The following NDRG4 variants were observed in gnomAD, a reference collection of about 807,000 sequenced individuals.
NDRG4 encodes NDRG family member 4.
NDRG4 carries 38 observed loss-of-function variants against 55.8 expected under a neutral mutation model. The observed-to-expected ratio is 0.68, with a 90% CI of 0.53 to 0.89. NDRG4 has a LOEUF of 0.89. NDRG4 is among the 40% of genes least tolerant of loss of function. NDRG4 has a pLI of 0.00. For synonymous variants in NDRG4, 190 were observed against 182.7 expected (o/e 1.04, Z -0.32); for missense variants, 455 against 468.6 (o/e 0.97, Z 0.27).
intron 1 of NDRG4, chr16:58,501,056 C>T (rs1597270629): frequency 2.4e-6 from 3 of 1,237,122 alleles, no homozygotes; most frequent in Non-Finnish European, 3.0e-6. Context: ...GCCCAGGGCA[C>T]CTCCTCTCGC....
Position 58,464,601 on chromosome 16 carries a change from G to A in NDRG4, c.-24+804G>A. ...GACCCCAACTAAGTCCTAGTTTTGT[G>A]CTACCTGTTTGTGTGCGGAGCCCAG... On this transcript the variant is annotated intron_variant, in intron 1 of 15. Transcript: ENST00000258187. This position sits in a 1 kb window ranked among gnomAD's most constrained non-coding sequence, Gnocchi z 4.8. 1.0e-6 allele frequency: 1 copy of A among 989,554 alleles called. No homozygotes were observed. The highest frequency in any genetic ancestry group is 3.4e-5 in the South Asian group (1 of 29,694). The allele number at this position is 989,554 out of a possible 1,614,324, so 61.3% of individuals were successfully genotyped here.
chr16:58,480,632 G>A (rs2034279170), intron 1 of NDRG4, among the ~76,000 whole-genome samples: 1 of 152,204 alleles, frequency 6.6e-6, no homozygotes, highest in Non-Finnish European at 1.5e-5. Flanking sequence ...GGACAGGTCA[G>A]CCGTGGAGAT....
Position 58,512,458 on chromosome 16 carries a change from C to G in NDRG4, c.*882C>G, listed in dbSNP as rs1034280564. 7 of 243,916 alleles carry G rather than the reference C, an allele frequency of 2.9e-5. No homozygotes were observed. Among genetic ancestry groups the G allele is most frequent in the East Asian group, 1.5e-4 (1 of 6,574 alleles). 15.1% of individuals were successfully genotyped at this position (243,916 alleles called of 1,614,324 possible). The stretch of plus-strand genomic sequence containing the variant: ...AGGGGTAGCTGAGTTCCTGGAGACC[C>G]CTTTTTTGCCCCCAGGTTCCCCAGA... On this transcript the variant is annotated 3_prime_UTR_variant, in exon 15 of 15. Coordinates refer to ENST00000570248, the MANE Select transcript of NDRG4 (RefSeq NM_001242835.2).
intron 2 of NDRG4, among the ~76,000 whole-genome samples, chr16:58,492,572 C>T (rs531340843): frequency 1.3e-5 from 2 of 150,468 alleles, no homozygotes; most frequent in African/African-American, 2.5e-5. Flanking sequence ...CAGACAGTCT[C>T]GCCCTGTCAC....
Position 58,506,154 on chromosome 16 carries a change from GTGTC to G in NDRG4, c.373-229_373-226del, listed in dbSNP as rs200871998. The G allele has an allele frequency of 0.17, 100,335 of 580,930 alleles. 6,237 individuals carry two copies. The highest frequency in any genetic ancestry group is 0.47 in the East Asian group (13,640 of 28,828). 36.0% of individuals were successfully genotyped at this position (580,930 alleles called of 1,614,324 possible). On this transcript the variant is annotated intron_variant, in intron 5 of 14. Coordinates refer to ENST00000570248, the MANE Select transcript of NDRG4 (RefSeq NM_001242835.2). ...AGAGCGTGTGTGTGTGTGTGTGTGT[GTGTC>G]TGTGTGTGTGTAGGGGTGGAAACAA... is the stretch of plus-strand genomic sequence containing the variant.
rs551787056 is a variant in NDRG4, at chr16:58,470,406, T to C, written c.-24+6609T>C. 9.9e-4 allele frequency among the ~76,000 whole-genome samples: 151 copies of C among 152,154 alleles called. 1 individual carries two copies. The highest frequency in any genetic ancestry group is 3.2e-3 in the African/African-American group (134 of 41,504). ...GAGGAGGAACCAGCAAAGTGAAAAA[T>C]AGAGGCAAAGGTGGAGCCATGGGAA... On this transcript the variant is annotated intron_variant, in intron 1 of 15. Transcript: ENST00000258187.
At chr16:58,468,764 A>G (rs958841016) in intron 1 of NDRG4, among the ~76,000 whole-genome samples, 1 of 152,190 alleles carries the variant, frequency 6.6e-6, no homozygotes, top group East Asian at 1.9e-4. Flanking sequence ...GAGGGAGCCC[A>G]AGACACCGTC....
chr16:58,465,057 G>A (rs571908010), intron 1 of NDRG4: 9 of 1,273,912 alleles, frequency 7.1e-6, no homozygotes, highest in South Asian at 3.8e-5. Context: ...AAGAGCGAAC[G>A]GTCAGGAAGA....
intron 2 of NDRG4, among the ~76,000 whole-genome samples, chr16:58,489,677 G>C (rs1479481481): frequency 6.6e-6 from 1 of 151,938 alleles, no homozygotes; most frequent in East Asian, 1.9e-4. Flanking sequence ...GGTCTCCCCA[G>C]TGCCTCACAC....
At position 58,504,583 on chromosome 16, in the gene NDRG4, C is replaced by T. The variant is rs571819000; in HGVS notation, c.312-6C>T. On this transcript the variant is annotated splice_region_variant and splice_polypyrimidine_tract_variant and intron_variant, in intron 4 of 14. Transcript: ENST00000570248. ...GCCCTAGAGTGACCAGCCTGCTCTG[C>T]ACCAGGTTCAAGTATGTGATTGGCA... The T allele has an allele frequency of 6.2e-7, 1 of 1,614,210 alleles. No homozygotes were observed. The highest frequency in any genetic ancestry group is 1.3e-5 in the African/African-American group (1 of 75,060).
At chr16:58,500,541 A>C in intron 1 of NDRG4, 1 of 562,878 alleles carries the variant, frequency 1.8e-6, no homozygotes. Flanking sequence ...TATCTGCAGG[A>C]AATGGAACGT....
chr16:58,468,341 T>C (rs1305720332), intron 1 of NDRG4, among the ~76,000 whole-genome samples: 2 of 152,122 alleles, frequency 1.3e-5, no homozygotes, highest in Admixed American at 1.3e-4. Context: ...AATTTCGGGG[T>C]CTCCCCTGTG....
chr16:58,500,489 A>C, intron 1 of NDRG4: 26 of 310,914 alleles, frequency 8.4e-5, no homozygotes, highest in East Asian at 4.4e-4. Flanking sequence ...CAGAGCCCAT[A>C]GCAGGGGCTG....
At chr16:58,506,133 CGTGTGT>C (rs113481456) in intron 5 of NDRG4, 29 of 540,562 alleles carry the variant, frequency 5.4e-5, no homozygotes, top group Non-Finnish European at 7.8e-5. Flanking sequence ...GTTGAAAGAG[CGTGTGT>C]GTGTGTGTGT....
intron 13 of NDRG4, among the ~76,000 whole-genome samples, chr16:58,509,939 GACACACACAC>G (rs3048060): frequency 2.7e-5 from 4 of 149,778 alleles, no homozygotes; most frequent in Non-Finnish European, 4.5e-5. Context: ...CACACACACA[GACACACACAC>G]ACACACACAC....
At chr16:58,508,171 C>T (rs1221442977) in intron 10 of NDRG4, among the ~76,000 whole-genome samples, 172 bp downstream of exon 10, 1 of 152,228 alleles carries the variant, frequency 6.6e-6, no homozygotes, top group Non-Finnish European at 1.5e-5. Flanking sequence ...TCACATCTGG[C>T]ATAGCCCCCA....
At chr16:58,486,700 TACACACACACACACACACACACAC>T (rs56119933) in intron 1 of NDRG4, among the ~76,000 whole-genome samples, 114 of 128,136 alleles carry the variant, frequency 8.9e-4, no homozygotes, top group Admixed American at 1.4e-3. Context: ...CACTGGCTCC[TACACACACACACACACACACACAC>T]ACACACACAC....
At chr16:58,492,216 T>G (rs901307097) in intron 2 of NDRG4, among the ~76,000 whole-genome samples, 4 of 152,116 alleles carry the variant, frequency 2.6e-5, no homozygotes, top group Non-Finnish European at 5.9e-5. Flanking sequence ...CTTTGGAGAC[T>G]CCAGTGCCTG....
intron 14 of NDRG4, chr16:58,510,899 A>G (rs1293432386): frequency 1.7e-6 from 1 of 599,708 alleles, no homozygotes; most frequent in African/African-American, 1.9e-5. Flanking sequence ...CTAGGTTGTC[A>G]TGAGCTGCGT....
Sources: allele counts gnomAD v4.1 joint callset (sites outside exome capture counted in the v4.1 genomes callset), GRCh38; gene constraint gnomAD v4.1.1; non-coding constraint Gnocchi (gnomAD v3.1); transcripts MANE v1.5; gene names NCBI Gene and HGNC (gene_info 2026-07-23, HGNC 2026-07-21).